The following CRTAC1 variants were observed in gnomAD, a reference collection of about 807,000 sequenced individuals.
The protein encoded by CRTAC1 is acidic secreted protein in cartilage.
Under a neutral mutation model 67.8 loss-of-function variants are expected in CRTAC1, and 37 were observed. That is an observed-to-expected ratio of 0.55 (90% CI 0.42 to 0.72). The LOEUF is 0.72. CRTAC1 is among the 30% of genes least tolerant of loss of function. The probability of loss-of-function intolerance (pLI) is 0.00; values close to 1 mark genes in which losing one functional copy is unlikely to be tolerated. For synonymous variants in CRTAC1, 348 were observed against 371.0 expected, an observed-to-expected ratio of 0.94 and a Z score of 0.71; for missense variants, 780 against 931.6, an observed-to-expected ratio of 0.84 and a Z score of 2.12.
At chr10:97,868,995 C>A (rs2050060375) in intron 14 of CRTAC1, 1 of 152,242 alleles carries the variant, frequency 6.6e-6, no homozygotes, top group Non-Finnish European at 1.5e-5. Context: ...TATGGGGAAA[C>A]TGAGGCTCAT....
chr10:97,970,638 C>T (rs1303353228), intron 2 of CRTAC1, among the ~76,000 whole-genome samples: 1 of 152,226 alleles, frequency 6.6e-6, no homozygotes, highest in Non-Finnish European at 1.5e-5. Context: ...ACACTCACTC[C>T]TGACACTTCT....
chr10:97,911,308 T>C (rs2050685318), intron 5 of CRTAC1, among the ~76,000 whole-genome samples: 1 of 152,274 alleles, frequency 6.6e-6, no homozygotes, highest in African/African-American at 2.4e-5. Flanking sequence ...AAGCAGGTTA[T>C]TTCCCTTTTG....
intron 14 of CRTAC1, chr10:97,878,480 G>C: frequency 1.5e-6 from 1 of 646,080 alleles, no homozygotes; most frequent in Non-Finnish European, 2.1e-6. Context: ...TTTTTAAAAG[G>C]GTTGCTGCAT....
rs1306387829 is a variant in CRTAC1 at position 98,029,433 on chromosome 10, AC to A, written c.24+1015del. ...CTCAAGAATGTGTCCTGTCAGGAGAACGGAAGCATCTCCTGGGATGTGCAGA... is the reference window on the plus strand; with the variant it reads ...CTCAAGAATGTGTCCTGTCAGGAGAAGGAAGCATCTCCTGGGATGTGCAGA... On this transcript the variant is annotated intron_variant, in intron 1 of 14. Transcript: ENST00000370597. This position sits in a 1 kb window ranked among gnomAD's most constrained non-coding sequence, Gnocchi z 4.7. Among the ~76,000 whole-genome samples the A allele has an allele frequency of 6.6e-6, 1 of 152,052 alleles. No individual in the cohort carries two copies. Among genetic ancestry groups the A allele is most frequent in the Non-Finnish European group, 1.5e-5 (1 of 67,984 alleles).
At chr10:97,989,518 T>C (rs542891470) in intron 2 of CRTAC1, among the ~76,000 whole-genome samples, 1 of 152,326 alleles carries the variant, frequency 6.6e-6, no homozygotes, top group South Asian at 2.1e-4. Flanking sequence ...TAGGTAATTG[T>C]CACACAATGG....
intron 11 of CRTAC1, among the ~76,000 whole-genome samples, chr10:97,890,139 C>T (rs977374512): frequency 2.0e-5 from 3 of 151,814 alleles, no homozygotes; most frequent in Non-Finnish European, 4.4e-5. Flanking sequence ...GTATGTAAGA[C>T]AGGCTCTCAC....
chr10:97,953,397 A>T (rs1364160848), intron 2 of CRTAC1, among the ~76,000 whole-genome samples: 1 of 152,126 alleles, frequency 6.6e-6, no homozygotes, highest in Non-Finnish European at 1.5e-5. Context: ...GCAGAGATGC[A>T]TCAAGGTGTG....
At chr10:97,957,906 C>T (rs956050796) in intron 2 of CRTAC1, among the ~76,000 whole-genome samples, 1 of 152,118 alleles carries the variant, frequency 6.6e-6, no homozygotes, top group Non-Finnish European at 1.5e-5. Context: ...CATATCATAA[C>T]CTATGTGACA....
rs187897453 is a variant in CRTAC1, at chr10:97,948,798, C to T, written c.225-12432G>A. Among the ~76,000 whole-genome samples, 7 of 152,252 alleles carry T rather than the reference C, an allele frequency of 4.6e-5. No individual in the cohort carries two copies. In the East Asian group the frequency reaches 5.8e-4, roughly 13 times the overall value. ...AAGAGGTTGAATTGACTCACAGTTC[C>T]GCATGGCTTGGGAGGCCTCAGGAAA... On this transcript the variant is annotated intron_variant, in intron 2 of 14. Coordinates refer to ENST00000370597, the MANE Select transcript of CRTAC1 (RefSeq NM_018058.7).
intron 2 of CRTAC1, among the ~76,000 whole-genome samples, chr10:97,937,455 A>T (rs2051107975): frequency 6.6e-6 from 1 of 152,120 alleles, no homozygotes; most frequent in South Asian, 2.1e-4. Flanking sequence ...ACAATTCCAT[A>T]TTCTCATTTA....
chr10:97,903,149 C>T (rs751831245), intron 7 of CRTAC1, among the ~76,000 whole-genome samples: 6 of 150,026 alleles, frequency 4.0e-5, no homozygotes, highest in South Asian at 4.4e-4. Flanking sequence ...TGGGGAGGGG[C>T]CTTCGGAAGA....
At chr10:97,930,598 A>G (rs947172406) in intron 3 of CRTAC1, among the ~76,000 whole-genome samples, 8 of 152,360 alleles carry the variant, frequency 5.3e-5, no homozygotes, top group Admixed American at 3.9e-4. Flanking sequence ...TGGCCCATGC[A>G]TCAGACTTGG....
At chr10:97,956,143 A>C (rs762221912) in intron 2 of CRTAC1, among the ~76,000 whole-genome samples, 31 of 152,210 alleles carry the variant, frequency 2.0e-4, no homozygotes, top group Non-Finnish European at 3.2e-4. Context: ...ACTGACACCA[A>C]GTTCTTCCAC....
intron 6 of CRTAC1, among the ~76,000 whole-genome samples, chr10:97,905,458 T>C (rs1473468067): frequency 6.6e-6 from 1 of 152,204 alleles, no homozygotes; most frequent in East Asian, 1.9e-4. Context: ...TGACCACGCA[T>C]CTGAGACAGC....
In CRTAC1 at chr10:97,865,681, G is replaced by GT. The variant is rs2050013039; in HGVS notation, c.1852dup (p.Thr618AsnfsTer37). On this transcript the variant is annotated frameshift_variant, in exon 15 of 15. Coordinates refer to ENST00000370597, the MANE Select transcript of CRTAC1 (RefSeq NM_018058.7). LOFTEE classifies it high-confidence loss of function. Reference sequence around the variant, plus strand: ...AGTGGCAGCAGCAGCGGTGGGGGTGGTGGGGCGGGGGCCCGGTGACTGGCC... The same window carrying GT: ...AGTGGCAGCAGCAGCGGTGGGGGTGGTTGGGGCGGGGGCCCGGTGACTGGCC... 1 of 1,607,626 alleles carries GT rather than the reference G, an allele frequency of 6.2e-7. No homozygotes were observed. The highest frequency in any genetic ancestry group is 1.3e-5 in the African/African-American group (1 of 74,800).
chr10:97,943,252 C>A (rs556736930), intron 2 of CRTAC1, among the ~76,000 whole-genome samples: 1 of 151,940 alleles, frequency 6.6e-6, no homozygotes, highest in South Asian at 2.1e-4. Context: ...GAAGAGGAAG[C>A]CGACAAGCAC....
chr10:97,910,302 C>T (rs904306821), intron 5 of CRTAC1, among the ~76,000 whole-genome samples: 24 of 152,274 alleles, frequency 1.6e-4, no homozygotes, highest in African/African-American at 5.3e-4. Flanking sequence ...TCATGTTGTA[C>T]GATGAGCTGT....
At chr10:97,913,137 T>A (rs61181422) in intron 5 of CRTAC1, among the ~76,000 whole-genome samples, 11,525 of 138,056 alleles carry the variant, frequency 0.083, 585 homozygotes, top group African/African-American at 0.15. Context: ...AGAGAGAGAG[T>A]GTGTGTGTGT....
At chr10:97,998,796 G>A (rs1175311477) in intron 2 of CRTAC1, among the ~76,000 whole-genome samples, 1 of 152,080 alleles carries the variant, frequency 6.6e-6, no homozygotes, top group Non-Finnish European at 1.5e-5. Flanking sequence ...GGCTAACAAA[G>A]GGCAAAGACT....
Sources: allele counts gnomAD v4.1 joint callset (sites outside exome capture counted in the v4.1 genomes callset), GRCh38; gene constraint gnomAD v4.1.1; non-coding constraint Gnocchi (gnomAD v3.1); transcripts MANE v1.5; gene names NCBI Gene and HGNC (gene_info 2026-07-23, HGNC 2026-07-21).